SHISA9: variants seen among roughly 807,000 people sequenced by gnomAD.
The protein encoded by SHISA9 is protein shisa-9.
SHISA9 carries 13 observed loss-of-function variants against 38.0 expected under a neutral mutation model. That is an observed-to-expected ratio of 0.34 (90% CI 0.22 to 0.54). The LOEUF is 0.54. SHISA9 is among the 20% of genes least tolerant of loss of function. The pLI is 0.91. For missense variants in SHISA9, 538 were observed against 575.8 expected, an observed-to-expected ratio of 0.93 and a Z score of 0.67; for synonymous variants, 275 against 242.0, an observed-to-expected ratio of 1.14 and a Z score of -1.27.
intron 2 of SHISA9, among the ~76,000 whole-genome samples, chr16:12,918,529 C>G (rs2071287418): frequency 6.6e-6 from 1 of 152,174 alleles, no homozygotes; most frequent in Non-Finnish European, 1.5e-5. Flanking sequence ...GGCGGGAAAC[C>G]TTAATGAATG....
the SHISA9 span, among the ~76,000 whole-genome samples, chr16:13,271,036 C>T: frequency 6.6e-6 from 1 of 152,190 alleles, no homozygotes; most frequent in Non-Finnish European, 1.5e-5. Flanking sequence ...AGTGTGCATA[C>T]TGACCACTGA....
At chr16:12,977,629 A>G (rs2072181771) in intron 2 of SHISA9, among the ~76,000 whole-genome samples, 1 of 152,196 alleles carries the variant, frequency 6.6e-6, no homozygotes, top group Admixed American at 6.5e-5. Context: ...GGAAAATACT[A>G]TGCAGCCATA....
intron 2 of SHISA9, among the ~76,000 whole-genome samples, chr16:13,023,677 A>C (rs1453672527): frequency 6.6e-6 from 1 of 152,198 alleles, no homozygotes; most frequent in Non-Finnish European, 1.5e-5. Flanking sequence ...CCTCTCCAGC[A>C]TCCGTTGTTT....
chr16:13,145,051 A>T (rs561320649), intron 2 of SHISA9, among the ~76,000 whole-genome samples: 1 of 152,112 alleles, frequency 6.6e-6, no homozygotes, highest in African/African-American at 2.4e-5. Context: ...CTTCGACCCT[A>T]TTGTTTTCTT....
intron 4 of SHISA9, among the ~76,000 whole-genome samples, chr16:13,224,272 A>T (rs1031963846): frequency 6.6e-6 from 1 of 152,184 alleles, no homozygotes; most frequent in Non-Finnish European, 1.5e-5. Flanking sequence ...ACCTGACTTT[A>T]TTCTACCTCC....
intron 2 of SHISA9, among the ~76,000 whole-genome samples, chr16:13,111,858 A>G (rs1247254427): frequency 6.6e-6 from 1 of 152,208 alleles, no homozygotes; most frequent in Non-Finnish European, 1.5e-5. Flanking sequence ...GTGAGAGGCC[A>G]TCTGGTCTTC....
At chr16:13,010,431 A>G (rs1246905688) in intron 2 of SHISA9, among the ~76,000 whole-genome samples, 1 of 152,214 alleles carries the variant, frequency 6.6e-6, no homozygotes, top group African/African-American at 2.4e-5. Context: ...CATTACTGTC[A>G]TAGATTCTTA....
At chr16:13,307,890 G>A in the SHISA9 span, among the ~76,000 whole-genome samples, 1 of 152,188 alleles carries the variant, frequency 6.6e-6, no homozygotes, top group African/African-American at 2.4e-5. Context: ...TCCATGATTA[G>A]GTGAGGATGA....
At chr16:13,349,141 A>G in the SHISA9 span, among the ~76,000 whole-genome samples, 5 of 152,206 alleles carry the variant, frequency 3.3e-5, no homozygotes, top group African/African-American at 1.2e-4. Context: ...ATTCCCATCT[A>G]GGATCTTTAT....
At chr16:13,125,162 C>T (rs2050245583) in intron 2 of SHISA9, among the ~76,000 whole-genome samples, 1 of 152,074 alleles carries the variant, frequency 6.6e-6, no homozygotes, top group Non-Finnish European at 1.5e-5. Flanking sequence ...AGGAAACAAT[C>T]AACAAAGTGA....
chr16:13,556,997 C>G, the SHISA9 span, among the ~76,000 whole-genome samples: 2 of 152,094 alleles, frequency 1.3e-5, no homozygotes. Flanking sequence ...GAATCAATCC[C>G]CTCCAGTACT....
At chr16:13,407,904 A>G in the SHISA9 span, among the ~76,000 whole-genome samples, 5 of 152,220 alleles carry the variant, frequency 3.3e-5, no homozygotes, top group Non-Finnish European at 5.9e-5. Context: ...GGAGAAAGCA[A>G]AGAAAACCAC....
chr16:13,034,747 T>C (rs8052307), intron 2 of SHISA9, among the ~76,000 whole-genome samples: 118,317 of 152,122 alleles, frequency 0.78, 46,493 homozygotes, highest in African/African-American at 0.89. Context: ...AGCCTATAGC[T>C]GAAGAACGCT....
chr16:13,433,776 G>T, the SHISA9 span, among the ~76,000 whole-genome samples: 1 of 152,226 alleles, frequency 6.6e-6, no homozygotes, highest in Non-Finnish European at 1.5e-5. Flanking sequence ...GGAAGGATTT[G>T]TCCACTGACT....
chr16:13,283,528 G>A, the SHISA9 span, among the ~76,000 whole-genome samples: 1 of 152,112 alleles, frequency 6.6e-6, no homozygotes, highest in Non-Finnish European at 1.5e-5. Flanking sequence ...AAGAGAGAAT[G>A]AGAGCCAAGC....
the SHISA9 span, among the ~76,000 whole-genome samples, chr16:13,508,693 A>G: frequency 6.6e-6 from 1 of 152,254 alleles, no homozygotes; most frequent in Non-Finnish European, 1.5e-5. Flanking sequence ...GGGTATATAC[A>G]ACGCATTAAA....
chr16:13,530,748 A>G, the SHISA9 span, among the ~76,000 whole-genome samples: 42 of 152,044 alleles, frequency 2.8e-4, no homozygotes, highest in Non-Finnish European at 5.9e-4. Context: ...CACCATTCCC[A>G]GGTCGGCAGA....
chr16:13,416,786 A>AG, the SHISA9 span, among the ~76,000 whole-genome samples: 457 of 110,502 alleles, frequency 4.1e-3, no homozygotes, highest in Non-Finnish European at 5.5e-3. Flanking sequence ...GAAGGAAGGA[A>AG]GGAAGGGAAG....
At chr16:12,979,194 G>A (rs1486867508) in intron 2 of SHISA9, among the ~76,000 whole-genome samples, 1 of 152,106 alleles carries the variant, frequency 6.6e-6, no homozygotes, top group East Asian at 1.9e-4. Context: ...GCTGGTCTTT[G>A]CCTGATCTCA....
Sources: gnomAD v4.1 joint callset for allele counts (sites outside exome capture counted in the v4.1 genomes callset) on GRCh38, gnomAD v4.1.1 for gene constraint, MANE v1.5 for transcripts, NCBI Gene and HGNC (gene_info 2026-07-23, HGNC 2026-07-21) for gene names.